Variants in NIPAL3 observed in about 807,000 individuals in gnomAD.
NIPAL3 encodes NIPA like domain containing 3.
In NIPAL3, 41 loss-of-function variants were observed where a neutral mutation model predicts 47.2. The observed-to-expected ratio is 0.87, with a 90% CI of 0.68 to 1.13. The LOEUF is 1.13. Ranked by LOEUF, NIPAL3 falls within the 50% of genes most tolerant of loss-of-function variation. The pLI is 0.00. For synonymous variants in NIPAL3, 194 were observed against 209.6 expected (o/e 0.93, Z 0.64); for missense variants, 449 against 530.1 (o/e 0.85, Z 1.50).
intron 3 of NIPAL3, among the ~76,000 whole-genome samples, chr1:24,441,702 A>G (rs1645393313): frequency 6.6e-6 from 1 of 152,164 alleles, no homozygotes; most frequent in South Asian, 2.1e-4. Context: ...GGATCTTTAG[A>G]CTATGGCTCC....
intron 8 of NIPAL3, chr1:24,457,908 C>T (rs1646297289): frequency 2.2e-6 from 1 of 463,954 alleles, no homozygotes; most frequent in African/African-American, 2.0e-5. Context: ...CCCACTACAA[C>T]AATTCCAGTC....
chr1:24,435,247 A>G (rs989307913), intron 2 of NIPAL3, among the ~76,000 whole-genome samples: 4 of 152,252 alleles, frequency 2.6e-5, no homozygotes, highest in Non-Finnish European at 4.4e-5. Context: ...CACACCATGC[A>G]TAAAAATTAA....
chr1:24,455,111 G>T (rs1227496124), intron 7 of NIPAL3, among the ~76,000 whole-genome samples: 1 of 152,220 alleles, frequency 6.6e-6, no homozygotes, highest in Non-Finnish European at 1.5e-5. Context: ...CGTGTTGGGG[G>T]TGTTGGCAGG....
At chr1:24,420,901 A>T (rs146242431) in intron 2 of NIPAL3, among the ~76,000 whole-genome samples, 1 of 152,336 alleles carries the variant, frequency 6.6e-6, no homozygotes, top group East Asian at 1.9e-4. Context: ...ATATAGGTAC[A>T]ACGAATAGGT....
Position 24,458,898 on chromosome 1 carries a change from C to A in NIPAL3, c.784C>A (p.Gln262Lys), listed in dbSNP as rs1336595155. Residue 262 changes from glutamine (Q) to lysine (K), a missense_variant, in exon 9 of 12, where the codon CAA becomes AAA. Gln to Lys is a moderately conservative substitution (Grantham distance 53). Transcript: ENST00000374399. ...TAVYQAAFLSQASQMYDSSLI... is the reference protein window; with the variant it reads ...TAVYQAAFLSKASQMYDSSLI... ...GCTTTTGTGTTGAAGGTTTTTGAGT[C>A]AAGCCTCACAGATGTACGACTCCTC... The A allele has an allele frequency of 6.2e-7, 1 of 1,614,002 alleles. No homozygotes were observed. Among genetic ancestry groups the A allele is most frequent in the South Asian group, 1.1e-5 (1 of 91,050 alleles).
At chr1:24,463,767 G>A (rs560034317) in intron 10 of NIPAL3, among the ~76,000 whole-genome samples, 1 of 152,306 alleles carries the variant, frequency 6.6e-6, no homozygotes, top group South Asian at 2.1e-4. Context: ...AGCTCGCCCA[G>A]GAGAGTCTAA....
intron 2 of NIPAL3, among the ~76,000 whole-genome samples, chr1:24,439,945 T>G (rs1049106594): frequency 7.9e-5 from 12 of 152,246 alleles, no homozygotes; most frequent in Admixed American, 7.9e-4. Context: ...GTCAGTGTGA[T>G]CGGGCCACCA....
Position 24,451,938 on chromosome 1 carries a change from A to G in NIPAL3, c.541-1470A>G, listed in dbSNP as rs1466171043. 6.6e-6 allele frequency among the ~76,000 whole-genome samples: 1 copy of G among 152,230 alleles called. No homozygotes were observed. Among genetic ancestry groups the G allele is most frequent in the African/African-American group, 2.4e-5 (1 of 41,466 alleles). Reference sequence around the variant, plus strand: ...GACTATAATGACAACTCGTTAAAATATGGATTCACTGGAACAAAGACAAAG... The same window carrying G: ...GACTATAATGACAACTCGTTAAAATGTGGATTCACTGGAACAAAGACAAAG... On this transcript the variant is annotated intron_variant, in intron 6 of 11. Coordinates refer to ENST00000374399, the MANE Select transcript of NIPAL3 (RefSeq NM_020448.5). This position sits in a 1 kb window ranked among gnomAD's most constrained non-coding sequence, Gnocchi z 4.5.
chr1:24,447,046 A>G (rs1390102006), intron 5 of NIPAL3, among the ~76,000 whole-genome samples: 1 of 152,192 alleles, frequency 6.6e-6, no homozygotes, highest in Admixed American at 6.5e-5. Flanking sequence ...GCCAGAGGGT[A>G]ATGAATAAAG....
At position 24,459,085 on chromosome 1, in the gene NIPAL3, T is replaced by A. The variant is rs552337592; in HGVS notation, c.862+109T>A. The stretch of plus-strand genomic sequence containing the variant: ...GACTTGTTCTCCCCGTAGAGTGATT[T>A]ATGGGTTCATGGAGAATGTGCAGGA... On this transcript the variant is annotated intron_variant, in intron 9 of 11. Coordinates refer to ENST00000374399, the MANE Select transcript of NIPAL3 (RefSeq NM_020448.5). 79 of 921,936 alleles carry A rather than the reference T, an allele frequency of 8.6e-5. No individual in the cohort carries two copies. In the South Asian group the frequency reaches 1.1e-3, roughly 13 times the overall value. The allele number at this position is 921,936 out of a possible 1,614,324, so 57.1% of individuals were successfully genotyped here.
chr1:24,430,210 G>A (rs1024508733), intron 2 of NIPAL3, among the ~76,000 whole-genome samples: 5 of 151,596 alleles, frequency 3.3e-5, no homozygotes, highest in African/African-American at 9.7e-5. Context: ...TGGAAGGACT[G>A]TTGGTATAGC....
intron 8 of NIPAL3, 24 bp from the exon 9 acceptor site, chr1:24,458,864 G>A (rs750757266): frequency 1.2e-6 from 2 of 1,600,480 alleles, no homozygotes; most frequent in Admixed American, 1.7e-5. Context: ...ACAGCCCACT[G>A]ACTGGAGTGC....
intron 5 of NIPAL3, among the ~76,000 whole-genome samples, chr1:24,445,679 T>C (rs780185902): frequency 6.6e-6 from 1 of 152,154 alleles, no homozygotes; most frequent in Non-Finnish European, 1.5e-5. Flanking sequence ...GCCAAGGGAA[T>C]GTCCTTGTAC....
At chr1:24,441,995 C>T (rs1199020093) in intron 3 of NIPAL3, 60 bp from the exon 4 acceptor site, 2 of 1,563,078 alleles carry the variant, frequency 1.3e-6, no homozygotes, top group Non-Finnish European at 1.7e-6. Flanking sequence ...AGGGTACCTA[C>T]ATCATAGCAT....
chr1:24,428,384 G>A (rs2148769993), intron 2 of NIPAL3, among the ~76,000 whole-genome samples: 1 of 150,674 alleles, frequency 6.6e-6, no homozygotes, highest in East Asian at 2.0e-4. Flanking sequence ...GTAAAAATTG[G>A]CCATAAGGAA....
At chr1:24,457,758 T>G (rs1646285742) in intron 8 of NIPAL3, 4 of 533,318 alleles carry the variant, frequency 7.5e-6, no homozygotes, top group Non-Finnish European at 1.5e-5. Context: ...ATTCTTCACC[T>G]GCTAATGAGA....
chr1:24,458,831 C>A, intron 8 of NIPAL3, 57 bp from the exon 9 acceptor site: 1 of 1,349,840 alleles, frequency 7.4e-7, no homozygotes, highest in Non-Finnish European at 1.1e-6. Flanking sequence ...CTGTTGTCAG[C>A]TCTTAGCCTT....
intron 2 of NIPAL3, among the ~76,000 whole-genome samples, chr1:24,422,747 G>A (rs796143604): frequency 6.6e-6 from 1 of 152,310 alleles, no homozygotes; most frequent in African/African-American, 2.4e-5. Flanking sequence ...GATATTCAAA[G>A]TGAGCAAAAC....
chr1:24,419,296 C>T lies in NIPAL3; in HGVS notation c.-252C>T, dbSNP rs1013164591. On this transcript the variant is annotated 5_prime_UTR_variant, in exon 2 of 12. Coordinates refer to ENST00000374399, the MANE Select transcript of NIPAL3 (RefSeq NM_020448.5). ...GTTCCTCTCCACCACCCTAGAGCAC[C>T]GCAAGAACTGGAAAACACACCCCTC... is the stretch of plus-strand genomic sequence containing the variant. The T allele has an allele frequency of 1.3e-5, 16 of 1,206,466 alleles. No homozygotes were observed. The highest frequency in any genetic ancestry group is 1.6e-5 in the African/African-American group (1 of 63,284). 74.7% of individuals were successfully genotyped at this position (1,206,466 alleles called of 1,614,324 possible).
Sources: allele counts gnomAD v4.1 joint callset (sites outside exome capture counted in the v4.1 genomes callset), GRCh38; gene constraint gnomAD v4.1.1; non-coding constraint Gnocchi (gnomAD v3.1); transcripts MANE v1.5; gene names NCBI Gene and HGNC (gene_info 2026-07-23, HGNC 2026-07-21).